The following RAB3GAP1 variants were observed in gnomAD, a reference collection of about 807,000 sequenced individuals.
RAB3GAP1 encodes the protein RAB3 GTPase activating protein catalytic subunit 1, also known as rab3 GTPase-activating protein catalytic subunit.
RAB3GAP1 carries 86 observed loss-of-function variants against 130.7 expected under a neutral mutation model. The ratio of observed to expected loss-of-function variants is 0.66; its 90% confidence interval spans 0.55 to 0.79. The LOEUF (loss-of-function observed/expected upper bound fraction) is 0.79, where lower values mean the gene tolerates loss of function less well. RAB3GAP1 is among the 30% of genes least tolerant of loss of function. RAB3GAP1 has a pLI of 0.00. For synonymous variants in RAB3GAP1, 367 were observed against 401.7 expected (o/e 0.91, Z 1.03); for missense variants, 1,029 against 1,169.4 (o/e 0.88, Z 1.75).
intron 7 of RAB3GAP1, 125 bp downstream of exon 7, chr2:135,115,506 C>T: frequency 1.1e-6 from 1 of 898,032 alleles, no homozygotes; most frequent in Admixed American, 2.8e-5. Context: ...TAGAAGAAAG[C>T]TATAAGTGAC....
chr2:135,157,090 A>C lies in RAB3GAP1; in HGVS notation c.2289+3214A>C, dbSNP rs189879803. On this transcript the variant is annotated intron_variant, in intron 19 of 23. Transcript: ENST00000264158. ...AAAAACACACTTGAACAACAGAAAG[A>C]TAGCCCTCAAACTCCTAGGCTCAAG... Among the ~76,000 whole-genome samples the C allele has an allele frequency of 2.0e-5, 3 of 152,308 alleles. No individual in the cohort carries two copies. In the East Asian group the frequency reaches 5.8e-4, roughly 29 times the overall value.
intron 5 of RAB3GAP1, among the ~76,000 whole-genome samples, chr2:135,106,209 G>A (rs559968908): frequency 6.6e-6 from 1 of 152,138 alleles, no homozygotes; most frequent in African/African-American, 2.4e-5. Flanking sequence ...GGCCCCTTCT[G>A]GGAAGTGAGG....
intron 3 of RAB3GAP1, among the ~76,000 whole-genome samples, chr2:135,068,972 C>G (rs1689396686): frequency 1.3e-5 from 2 of 152,058 alleles, no homozygotes; most frequent in African/African-American, 4.8e-5. Context: ...AGATTTTTCA[C>G]AAAAAATAAG....
At chr2:135,116,015 G>A (rs981175734) in intron 7 of RAB3GAP1, among the ~76,000 whole-genome samples, 9 of 152,306 alleles carry the variant, frequency 5.9e-5, no homozygotes, top group African/African-American at 2.2e-4. Context: ...AGAAAACAGA[G>A]AAAGCTAGAT....
chr2:135,164,076 T>A (rs1692551829), intron 22 of RAB3GAP1, among the ~76,000 whole-genome samples: 1 of 152,240 alleles, frequency 6.6e-6, no homozygotes, highest in African/African-American at 2.4e-5. Context: ...ACGTTATCTG[T>A]GACATACTTG....
Position 135,113,214 on chromosome 2 carries a change from A to G in RAB3GAP1, c.426A>G (p.Glu142=), listed in dbSNP as rs201758067. The G allele has an allele frequency of 8.1e-6, 13 of 1,614,034 alleles. No homozygotes were observed. Among genetic ancestry groups the G allele is most frequent in the East Asian group, 2.2e-5 (1 of 44,900 alleles). Residue 142 remains glutamate, a synonymous_variant, in exon 6 of 24, where the codon GAA becomes GAG. Transcript: ENST00000264158. ...PAAHSDAVLS[E]SKCNLLLSSV... Reference sequence around the variant, plus strand: ...CACACAGTGACGCTGTTCTCAGCGAATCTAAGTGCAACCTTCTTCTGAGTT... The same window carrying G: ...CACACAGTGACGCTGTTCTCAGCGAGTCTAAGTGCAACCTTCTTCTGAGTT...
chr2:135,115,196 TA>T lies in RAB3GAP1; in HGVS notation c.483-19del. ...GTTTAATGAGCTTGTATTCCATTCC[TA>T]TTTAATCATGTCTTGCAGTCAGGTG... On this transcript the variant is annotated intron_variant, in intron 6 of 23. Transcript: ENST00000264158. 1 of 1,595,792 alleles carries T rather than the reference TA, an allele frequency of 6.3e-7. No individual in the cohort carries two copies. Among genetic ancestry groups the T allele is most frequent in the Non-Finnish European group, 8.6e-7 (1 of 1,163,514 alleles).
chr2:135,087,257 A>G (rs1690014140), intron 3 of RAB3GAP1, among the ~76,000 whole-genome samples: 1 of 152,148 alleles, frequency 6.6e-6, no homozygotes, highest in African/African-American at 2.4e-5. Flanking sequence ...ACTCTATTTC[A>G]TTGATCTGTT....
intron 4 of RAB3GAP1, among the ~76,000 whole-genome samples, chr2:135,092,303 C>T (rs943415332): frequency 2.6e-5 from 4 of 152,136 alleles, no homozygotes; most frequent in Admixed American, 1.3e-4. Flanking sequence ...TTCAAGATAG[C>T]GAAAATTTAA....
At chr2:135,082,946 A>G (rs992934492) in intron 3 of RAB3GAP1, among the ~76,000 whole-genome samples, 16 of 152,190 alleles carry the variant, frequency 1.1e-4, no homozygotes, top group African/African-American at 3.9e-4. Context: ...CAAATGTCCT[A>G]CACACATTAT....
intron 3 of RAB3GAP1, among the ~76,000 whole-genome samples, chr2:135,059,899 A>G (rs561839445): frequency 2.0e-5 from 3 of 152,242 alleles, no homozygotes; most frequent in Non-Finnish European, 4.4e-5. Flanking sequence ...ATGAATATGA[A>G]GAAAGTGTAG....
At chr2:135,097,492 A>AT (rs1296973666) in intron 5 of RAB3GAP1, among the ~76,000 whole-genome samples, 2 of 152,088 alleles carry the variant, frequency 1.3e-5, no homozygotes, top group Admixed American at 1.3e-4. Context: ...AAGTACTGGG[A>AT]TTATAGGTGT....
Position 135,126,263 on chromosome 2 carries a change from GAGT to G in RAB3GAP1, c.899+22_899+24del. 1 of 1,596,834 alleles carries G rather than the reference GAGT, an allele frequency of 6.3e-7. No individual in the cohort carries two copies. Among genetic ancestry groups the G allele is most frequent in the Non-Finnish European group, 8.6e-7 (1 of 1,164,720 alleles). On this transcript the variant is annotated intron_variant, in intron 10 of 23. Coordinates refer to ENST00000264158, the MANE Select transcript of RAB3GAP1 (RefSeq NM_012233.3). ...TGATGTTTATTCGTAAGTATGTTAA[GAGT>G]AGTAGTACACTGAGATTAAAAAACT...
intron 23 of RAB3GAP1, among the ~76,000 whole-genome samples, chr2:135,165,668 A>G (rs554012621): frequency 6.6e-6 from 1 of 152,242 alleles, no homozygotes; most frequent in South Asian, 2.1e-4. Context: ...CCAAATATTT[A>G]TTTCCTTATA....
chr2:135,115,754 A>C (rs1289689913), intron 7 of RAB3GAP1, among the ~76,000 whole-genome samples: 1 of 152,222 alleles, frequency 6.6e-6, no homozygotes, highest in East Asian at 1.9e-4. Flanking sequence ...GAGCTCCTTA[A>C]GGTCTAAACA....
At chr2:135,150,771 CTTTG>C (rs779708633) in intron 18 of RAB3GAP1, among the ~76,000 whole-genome samples, 5 of 152,152 alleles carry the variant, frequency 3.3e-5, no homozygotes, top group East Asian at 3.9e-4. Flanking sequence ...GGAGTGGTTT[CTTTG>C]TTTGTGTTCA....
intron 23 of RAB3GAP1, chr2:135,167,570 T>A: frequency 1.3e-6 from 1 of 787,644 alleles, no homozygotes; most frequent in Non-Finnish European, 2.0e-6. Flanking sequence ...TTTGATAGGA[T>A]CATGTTCCAT....
At chr2:135,165,089 C>A in intron 23 of RAB3GAP1, 2 of 451,892 alleles carry the variant, frequency 4.4e-6, no homozygotes, top group Non-Finnish European at 8.9e-6. Context: ...AGTGGAGTCA[C>A]AACTCAGCTT....
chr2:135,169,091 A>G lies in RAB3GAP1; in HGVS notation c.*310A>G, dbSNP rs1692762017. 4.5e-6 allele frequency: 2 copies of G among 440,394 alleles called. No individual in the cohort carries two copies. Among genetic ancestry groups the G allele is most frequent in the Non-Finnish European group, 8.5e-6 (2 of 235,424 alleles). The allele number at this position is 440,394 out of a possible 1,614,324, so 27.3% of individuals were successfully genotyped here. A position where few individuals can be genotyped will look rare whatever the true frequency, so the allele number is the denominator to read the frequency against. On this transcript the variant is annotated 3_prime_UTR_variant, in exon 24 of 24. Coordinates refer to ENST00000264158, the MANE Select transcript of RAB3GAP1 (RefSeq NM_012233.3). ...TCCTCACACTGGCAGGACGGTGTTC[A>G]TCGCATTCTCTTCTGTGACCAGCCT... is the stretch of plus-strand genomic sequence containing the variant.
Sources: allele counts gnomAD v4.1 joint callset (sites outside exome capture counted in the v4.1 genomes callset), GRCh38; gene constraint gnomAD v4.1.1; transcripts MANE v1.5; gene names NCBI Gene and HGNC (gene_info 2026-07-23, HGNC 2026-07-21).